The following RFX7 variants were observed in gnomAD, a reference collection of about 807,000 sequenced individuals.
RFX7 encodes the protein DNA-binding protein RFX7.
In RFX7, 26 loss-of-function variants were observed where a neutral mutation model predicts 111.8. The observed-to-expected ratio is 0.23, with a 90% CI of 0.17 to 0.32. The LOEUF (loss-of-function observed/expected upper bound fraction) is 0.32, where lower values mean the gene tolerates loss of function less well. RFX7 is among the 10% of genes least tolerant of loss of function. RFX7 has a pLI of 1.00. For missense variants in RFX7, 1,573 were observed against 1,772.9 expected (o/e 0.89, Z 2.02); for synonymous variants, 624 against 624.4 (o/e 1.00, Z 0.01).
intron 2 of RFX7, among the ~76,000 whole-genome samples, chr15:56,227,656 C>T (rs1326449365): frequency 7.2e-5 from 11 of 152,116 alleles, no homozygotes; most frequent in African/African-American, 1.9e-4. Context: ...TCCTTCATCC[C>T]AGCAGTGAAT....
chr15:56,209,777 T>C (rs140877096), intron 2 of RFX7, among the ~76,000 whole-genome samples: 4 of 151,840 alleles, frequency 2.6e-5, no homozygotes, highest in Non-Finnish European at 4.4e-5. Flanking sequence ...AAATGTATAC[T>C]GAAAACTCTA....
rs574476093 is a variant in RFX7, at chr15:56,111,888, G to T, written c.402-8218C>A. On this transcript the variant is annotated intron_variant, in intron 5 of 9. Coordinates refer to ENST00000559447, the MANE Select transcript of RFX7 (RefSeq NM_022841.7). The stretch of plus-strand genomic sequence containing the variant: ...TCCCAGCACTTTGGGAGGCCGAGGC[G>T]GGTGGATCACGAGGTCAGGAGGTCG... 3.5e-4 allele frequency among the ~76,000 whole-genome samples: 53 copies of T among 151,976 alleles called. No homozygotes were observed. The East Asian group carries it at 9.1e-3, about 26-fold the overall frequency.
chr15:56,149,082 C>CA (rs34272707), intron 3 of RFX7, among the ~76,000 whole-genome samples: 17,674 of 78,562 alleles, frequency 0.22, 1,532 homozygotes, highest in East Asian at 0.45. Context: ...GACTCCGTCT[C>CA]AAAAAAAAAA....
chr15:56,235,599 TC>T (rs1198707770), intron 2 of RFX7, among the ~76,000 whole-genome samples: 1 of 152,022 alleles, frequency 6.6e-6, no homozygotes, highest in Non-Finnish European at 1.5e-5. Context: ...TGACTCTCCC[TC>T]CCCAAGATAG....
intron 3 of RFX7, chr15:56,178,925 T>G (rs11071253): frequency 0.13 from 20,321 of 156,176 alleles, 1,728 homozygotes; most frequent in East Asian, 0.44. Flanking sequence ...AACTAACCCA[T>G]TAAACATCTT....
chr15:56,156,257 A>C (rs1330603085), intron 3 of RFX7, among the ~76,000 whole-genome samples: 1 of 152,138 alleles, frequency 6.6e-6, no homozygotes, highest in African/African-American at 2.4e-5. Flanking sequence ...AGCCAAATGG[A>C]AACTCTTTCA....
chr15:56,203,031 C>T (rs1319956071), intron 2 of RFX7, among the ~76,000 whole-genome samples: 1 of 151,882 alleles, frequency 6.6e-6, no homozygotes, highest in Non-Finnish European at 1.5e-5. Flanking sequence ...CCTCCCCCCA[C>T]CAAAAAAAAG....
At chr15:56,228,509 A>C (rs1229160777) in intron 2 of RFX7, among the ~76,000 whole-genome samples, 1 of 152,166 alleles carries the variant, frequency 6.6e-6, no homozygotes, top group Non-Finnish European at 1.5e-5. Context: ...AACTTAAAAA[A>C]ACTATGATTA....
In RFX7 at chr15:56,167,702, T is replaced by G. The variant is rs2042799343; in HGVS notation, c.195+11568A>C. Among the ~76,000 whole-genome samples the G allele has an allele frequency of 3.3e-5, 5 of 152,348 alleles. No individual in the cohort carries two copies. In the South Asian group the frequency reaches 1.0e-3, roughly 32 times the overall value. Reference sequence around the variant, plus strand: ...TACTACAAATATTTTCATTTGTCTTTACCAATAAACAGATAAATTTTTTCA... The same window carrying G: ...TACTACAAATATTTTCATTTGTCTTGACCAATAAACAGATAAATTTTTTCA... On this transcript the variant is annotated intron_variant, in intron 3 of 9. Coordinates refer to ENST00000559447, the MANE Select transcript of RFX7 (RefSeq NM_022841.7).
chr15:56,090,870 T>G lies in RFX7; in HGVS notation c.*2475A>C, dbSNP rs181889513. 1 of 152,724 alleles carries G rather than the reference T, an allele frequency of 6.5e-6. No homozygotes were observed. The highest frequency in any genetic ancestry group is 2.4e-5 in the African/African-American group (1 of 41,588). 9.5% of individuals were successfully genotyped at this position (152,724 alleles called of 1,614,324 possible). A position where few individuals can be genotyped will look rare whatever the true frequency, so the allele number is the denominator to read the frequency against. The stretch of plus-strand genomic sequence containing the variant: ...ATTATATGCAAAATTATTTACTTCA[T>G]GAAGTTTTATGATAAACAGTATGCA... On this transcript the variant is annotated 3_prime_UTR_variant, in exon 10 of 10. Transcript: ENST00000559447.
intron 2 of RFX7, among the ~76,000 whole-genome samples, chr15:56,194,304 T>C (rs2043127479): frequency 6.6e-6 from 1 of 152,106 alleles, no homozygotes; most frequent in African/African-American, 2.4e-5. Flanking sequence ...TCTTGTGTTA[T>C]AGAAACAGAG....
At position 56,088,581 on chromosome 15, in the gene RFX7, A is replaced by T. The variant is rs573918141; in HGVS notation, c.*4764T>A. On this transcript the variant is annotated 3_prime_UTR_variant, in exon 10 of 10. Coordinates refer to ENST00000559447, the MANE Select transcript of RFX7 (RefSeq NM_022841.7). ...TTATAGCAACAAGACTGGCATACATATTTTTAAAATTTCAGATGATGCAAT... is the reference window on the plus strand; with the variant it reads ...TTATAGCAACAAGACTGGCATACATTTTTTTAAAATTTCAGATGATGCAAT... 6.6e-6 allele frequency: 1 copy of T among 152,280 alleles called. No individual in the cohort carries two copies. The highest frequency in any genetic ancestry group is 2.4e-5 in the African/African-American group (1 of 41,536). The allele number at this position is 152,280 out of a possible 1,614,324, so 9.4% of individuals were successfully genotyped here.
At chr15:56,176,967 C>G (rs909035109) in intron 3 of RFX7, among the ~76,000 whole-genome samples, 2 of 151,652 alleles carry the variant, frequency 1.3e-5, no homozygotes, top group Admixed American at 1.3e-4. Context: ...TTGCACTATT[C>G]TCTGCATAAA....
chr15:56,244,491 A>C (rs190121602), upstream of RFX7, among the ~76,000 whole-genome samples: 1 of 152,212 alleles, frequency 6.6e-6, no homozygotes, highest in Admixed American at 6.5e-5. Context: ...TCCCGGCTCC[A>C]ATCAGGGAAG....
At chr15:56,138,035 G>A (rs879693965) in intron 5 of RFX7, among the ~76,000 whole-genome samples, 51 of 148,146 alleles carry the variant, frequency 3.4e-4, no homozygotes, top group African/African-American at 9.9e-4. Flanking sequence ...TTACTTCCAA[G>A]TATGTGGTCA....
At chr15:56,128,692 G>T (rs376559032) in intron 5 of RFX7, among the ~76,000 whole-genome samples, 2 of 152,052 alleles carry the variant, frequency 1.3e-5, no homozygotes, top group Non-Finnish European at 2.9e-5. Flanking sequence ...ATTCAACACT[G>T]TACTGAAAGT....
At chr15:56,106,715 C>A (rs868670386) in intron 5 of RFX7, among the ~76,000 whole-genome samples, 8 of 152,088 alleles carry the variant, frequency 5.3e-5, no homozygotes, top group Non-Finnish European at 1.2e-4. Context: ...CACCTTTCCC[C>A]ATTAAGAAAA....
At position 56,094,511 on chromosome 15, in the gene RFX7, C is replaced by T. The variant is rs777419720; in HGVS notation, c.3217G>A (p.Gly1073Ser). 37 of 1,613,774 alleles carry T rather than the reference C, an allele frequency of 2.3e-5. No homozygotes were observed. The highest frequency in any genetic ancestry group is 3.1e-5 in the Non-Finnish European group (36 of 1,179,876). ...EWMNNGYSGVGNSSVSGHGIL... is the reference protein window; with the variant it reads ...EWMNNGYSGVSNSSVSGHGIL... ...CCATGGCCAGAAACTGATGAATTACCAACCCCACTATACCCATTATTCATC... is the reference window on the plus strand; with the variant it reads ...CCATGGCCAGAAACTGATGAATTACTAACCCCACTATACCCATTATTCATC... Residue 1073 changes from glycine (G) to serine (S), a missense_variant, in exon 10 of 10, where the codon GGT (glycine) becomes AGT (serine). By Grantham distance (56) the Gly-to-Ser change is moderately conservative. This residue lies in a region of RFX7 where 411 missense variants were observed against 478.1 expected (regional missense o/e 0.86). Coordinates refer to ENST00000559447, the MANE Select transcript of RFX7 (RefSeq NM_022841.7).
In RFX7 at chr15:56,227,186, T is replaced by C. The variant is rs28465505; in HGVS notation, c.161+15939A>G. On this transcript the variant is annotated intron_variant, in intron 2 of 9. Coordinates refer to ENST00000559447, the MANE Select transcript of RFX7 (RefSeq NM_022841.7). ...ATAGTATTTTGCAAAGGTTCTCAAC[T>C]TCAGTGTTACAACACATTCATGAAA... Among the ~76,000 whole-genome samples, 685 of 152,326 alleles carry C rather than the reference T, an allele frequency of 4.5e-3. 7 individuals are homozygous for C. The highest frequency in any genetic ancestry group is 0.016 in the African/African-American group (661 of 41,566).
Sources: gnomAD v4.1 joint callset for allele counts (sites outside exome capture counted in the v4.1 genomes callset) on GRCh38, gnomAD v4.1.1 for gene constraint, gnomAD v4.1.1 regional missense constraint, MANE v1.5 for transcripts, NCBI Gene and HGNC (gene_info 2026-07-23, HGNC 2026-07-21) for gene names.